Variants in LAMA2 observed in about 807,000 individuals in gnomAD.
LAMA2 encodes the protein laminin subunit alpha 2, also known as laminin subunit alpha-2.
Under a neutral mutation model 364.8 loss-of-function variants are expected in LAMA2, and 269 were observed. The ratio of observed to expected loss-of-function variants is 0.74; its 90% CI spans 0.67 to 0.82. The LOEUF is 0.82. Among genes scored for constraint, LAMA2 ranks in the 40% least tolerant of loss-of-function variants. LAMA2 has a pLI of 0.00. For missense variants in LAMA2, 3,807 were observed against 3,873.2 expected (o/e 0.98, Z 0.45); for synonymous variants, 1,379 against 1,370.6 (o/e 1.01, Z -0.14).
At chr6:129,216,587 C>T (rs1012100399) in intron 12 of LAMA2, among the ~76,000 whole-genome samples, 2 of 152,070 alleles carry the variant, frequency 1.3e-5, no homozygotes, top group Non-Finnish European at 2.9e-5. Context: ...ATGACAAATG[C>T]TAGTCAATGT....
At chr6:129,511,219 A>ATCTT (rs1344229457) in intron 62 of LAMA2, among the ~76,000 whole-genome samples, 1 of 152,132 alleles carries the variant, frequency 6.6e-6, no homozygotes, top group Non-Finnish European at 1.5e-5. Flanking sequence ...AACCTTTGAC[A>ATCTT]TCTTTGTTCT....
chr6:129,320,330 C>G (rs368379947), intron 27 of LAMA2, among the ~76,000 whole-genome samples: 1 of 151,976 alleles, frequency 6.6e-6, no homozygotes, highest in South Asian at 2.1e-4. Context: ...AGAAAATCCC[C>G]GTACAAGTGA....
intron 15 of LAMA2, among the ~76,000 whole-genome samples, chr6:129,263,185 G>A (rs575871923): frequency 1.2e-4 from 19 of 152,098 alleles, no homozygotes; most frequent in African/African-American, 1.9e-4. Flanking sequence ...TTTGATGAGC[G>A]TGTATTTTGA....
At position 129,270,266 on chromosome 6, in the gene LAMA2, TAC is replaced by T. The variant is rs10522614; in HGVS notation, c.2323-309_2323-308del. Among the ~76,000 whole-genome samples, 951 of 143,006 alleles carry T rather than the reference TAC, an allele frequency of 6.7e-3. 13 individuals carry two copies. The highest frequency in any genetic ancestry group is 0.023 in the African/African-American group (880 of 38,002). 93.8% of individuals were successfully genotyped at this position (143,006 alleles called of 152,430 possible). ...ACATATGTTATTAGTGCTCTATGAC[TAC>T]ACACACACACACACACACACACACA... is the stretch of plus-strand genomic sequence containing the variant. On this transcript the variant is annotated intron_variant, in intron 16 of 64. Coordinates refer to ENST00000421865, the MANE Select transcript of LAMA2 (RefSeq NM_000426.4).
At position 129,514,363 on chromosome 6, in the gene LAMA2, T is replaced by C; in HGVS notation, c.8989-10T>C. 1.3e-6 allele frequency: 2 copies of C among 1,594,016 alleles called. No individual in the cohort carries two copies. The highest frequency in any genetic ancestry group is 1.7e-6 in the Non-Finnish European group (2 of 1,161,814). Reference sequence around the variant, plus strand: ...AACCATCTGTGACTGTTCTATTTCCTACTTTCCAGTTGATGTTTCATGTGG... The same window carrying C: ...AACCATCTGTGACTGTTCTATTTCCCACTTTCCAGTTGATGTTTCATGTGG... On this transcript the variant is annotated splice_polypyrimidine_tract_variant and intron_variant, in intron 63 of 64. Transcript: ENST00000421865.
chr6:129,034,470 C>G (rs1210197567), intron 1 of LAMA2, among the ~76,000 whole-genome samples: 1 of 151,210 alleles, frequency 6.6e-6, no homozygotes, highest in East Asian at 1.9e-4. Flanking sequence ...TTCTTTTTTC[C>G]TTTTTCTTTT....
intron 46 of LAMA2, 45 bp downstream of exon 46, chr6:129,453,176 A>G: frequency 6.5e-7 from 1 of 1,550,158 alleles, no homozygotes; most frequent in Non-Finnish European, 8.9e-7. Context: ...GTATGTGTAT[A>G]GCTAGAGGTT....
intron 9 of LAMA2, among the ~76,000 whole-genome samples, chr6:129,174,936 C>T (rs1314803665): frequency 1.3e-5 from 2 of 152,116 alleles, no homozygotes; most frequent in Non-Finnish European, 2.9e-5. Flanking sequence ...GTCTACAATA[C>T]TTCCAGAAAT....
rs573688584 is a variant in LAMA2, at chr6:129,359,245, A to G, written c.4717+5888A>G. Among the ~76,000 whole-genome samples the G allele has an allele frequency of 1.2e-4, 18 of 146,090 alleles. No homozygotes were observed. In the South Asian group the frequency reaches 3.8e-3, roughly 31 times the overall value. ...TCCCATGTATTATATATAGAATTTT[A>G]TTTAATATATATAAAACACATATAT... On this transcript the variant is annotated intron_variant, in intron 32 of 64. Coordinates refer to ENST00000421865, the MANE Select transcript of LAMA2 (RefSeq NM_000426.4).
At chr6:129,268,521 C>A (rs1409547639) in intron 16 of LAMA2, among the ~76,000 whole-genome samples, 4 of 151,958 alleles carry the variant, frequency 2.6e-5, no homozygotes, top group African/African-American at 9.7e-5. Context: ...AGGATAAAAT[C>A]AAATCAAATT....
chr6:128,915,483 T>A (rs1778250909), intron 1 of LAMA2, among the ~76,000 whole-genome samples: 1 of 152,180 alleles, frequency 6.6e-6, no homozygotes, highest in South Asian at 2.1e-4. Context: ...TTGTGTAGGA[T>A]AAGTACAGCC....
At chr6:129,096,158 G>A (rs954998531) in intron 3 of LAMA2, among the ~76,000 whole-genome samples, 2 of 152,134 alleles carry the variant, frequency 1.3e-5, no homozygotes. Flanking sequence ...TACGTGATGA[G>A]TTGTTCAATA....
At chr6:129,014,200 C>T (rs981881982) in intron 1 of LAMA2, among the ~76,000 whole-genome samples, 4 of 152,150 alleles carry the variant, frequency 2.6e-5, no homozygotes, top group African/African-American at 9.7e-5. Context: ...TTTTAGACAT[C>T]TAAATAGAAC....
rs777028430 is a variant in LAMA2, at chr6:129,287,919, C to T, written c.2610C>T (p.Asn870=). 12 of 1,614,078 alleles carry T rather than the reference C, an allele frequency of 7.4e-6. No homozygotes were observed. Among genetic ancestry groups the T allele is most frequent in the Non-Finnish European group, 1.0e-5 (12 of 1,179,962 alleles). ...GSCQPCQCND[N]LDFSIPGSCD... is the part of the protein sequence containing the mutation. ...GTCAGCCATGCCAATGCAATGACAA[C>T]CTTGACTTCTCCATCCCTGGCAGCT... is the stretch of plus-strand genomic sequence containing the variant. The change falls in exon 19 of 65, where the codon AAC becomes AAT. Residue 870 remains asparagine, a synonymous_variant. Coordinates refer to ENST00000421865, the MANE Select transcript of LAMA2 (RefSeq NM_000426.4).
intron 12 of LAMA2, among the ~76,000 whole-genome samples, chr6:129,215,672 G>T (rs1228936081): frequency 6.6e-6 from 1 of 152,016 alleles, no homozygotes; most frequent in African/African-American, 2.4e-5. Flanking sequence ...ATCTTACAGA[G>T]ATTTCTTCAC....
At chr6:129,219,980 T>A (rs1344540669) in intron 12 of LAMA2, among the ~76,000 whole-genome samples, 1 of 151,574 alleles carries the variant, frequency 6.6e-6, no homozygotes, top group Non-Finnish European at 1.5e-5. Context: ...AATAATAAAA[T>A]AAAAATAAAA....
At chr6:128,946,588 G>C (rs1780499858) in intron 1 of LAMA2, among the ~76,000 whole-genome samples, 1 of 152,158 alleles carries the variant, frequency 6.6e-6, no homozygotes, top group Non-Finnish European at 1.5e-5. Flanking sequence ...GTCATAAATT[G>C]ATGACTATCT....
chr6:129,457,468 C>G (rs1337982514), intron 48 of LAMA2, among the ~76,000 whole-genome samples: 1 of 152,054 alleles, frequency 6.6e-6, no homozygotes, highest in African/African-American at 2.4e-5. Flanking sequence ...TCCTCCTCTT[C>G]CACTTGCTAA....
intron 47 of LAMA2, among the ~76,000 whole-genome samples, chr6:129,455,332 G>C (rs1456730368): frequency 6.6e-6 from 1 of 152,152 alleles, no homozygotes; most frequent in African/African-American, 2.4e-5. Flanking sequence ...GTGCATGTGT[G>C]AGAGAGAGTG....
Sources: allele counts gnomAD v4.1 joint callset (sites outside exome capture counted in the v4.1 genomes callset), GRCh38; gene constraint gnomAD v4.1.1; transcripts MANE v1.5; gene names NCBI Gene and HGNC (gene_info 2026-07-23, HGNC 2026-07-21).